Variants in AGAP3 observed in about 807,000 individuals in gnomAD.
AGAP3 encodes arf-GAP with GTPase, ANK repeat and PH domain-containing protein 3.
AGAP3 carries 24 observed loss-of-function variants against 96.9 expected under a neutral mutation model. That is an observed-to-expected ratio of 0.25 (90% confidence interval 0.18 to 0.35). The LOEUF is 0.35. Ranked by LOEUF, AGAP3 falls within the 10% of genes least tolerant of loss-of-function variation. The pLI is 1.00. For synonymous variants in AGAP3, 563 were observed against 536.1 expected, an observed-to-expected ratio of 1.05 and a Z score of -0.69; for missense variants, 876 against 1,254.2, an observed-to-expected ratio of 0.70 and a Z score of 4.55.
rs1314422896 is a variant in AGAP3, at chr7:151,133,238, T to C, written c.1327-1162T>C. On this transcript the variant is annotated intron_variant, in intron 10 of 17. Coordinates refer to ENST00000397238, the MANE Select transcript of AGAP3 (RefSeq NM_031946.7). The surrounding 1 kb of genome is among the most constrained non-coding windows in gnomAD (Gnocchi z 5.4). ...AATTTGTGCCACTTTACCAAGGGCA[T>C]TGGCTAGGAATTGCCGTGGAGCTCA... Among the ~76,000 whole-genome samples, 1 of 152,196 alleles carries C rather than the reference T, an allele frequency of 6.6e-6. No homozygotes were observed. The highest frequency in any genetic ancestry group is 1.5e-5 in the Non-Finnish European group (1 of 68,024).
rs756737595 is a variant in AGAP3 at position 151,128,633 on chromosome 7, G to A, written c.1275G>A (p.Lys425=). ...CCCTGAACAAGGAGTGGAAGAAGAA[G>A]TATGTGACGCTCTGTGACAACGGGC... ...GKSLNKEWKK[K]YVTLCDNGLL... is the part of the protein sequence containing the mutation. Residue 425 remains lysine, a synonymous_variant, in exon 10 of 18, where the codon AAG becomes AAA. Coordinates refer to ENST00000397238, the MANE Select transcript of AGAP3 (RefSeq NM_031946.7). 8.1e-6 allele frequency: 13 copies of A among 1,613,668 alleles called. No homozygotes were observed. The highest frequency in any genetic ancestry group is 1.1e-5 in the Non-Finnish European group (13 of 1,179,894).
chr7:151,136,255 CCCT>C (rs1283767885), intron 11 of AGAP3: 35 of 152,384 alleles, frequency 2.3e-4, no homozygotes, highest in Middle Eastern at 6.8e-3. Flanking sequence ...TGGGCTGTTT[CCCT>C]AGAGCAAGGG....
chr7:151,117,917 C>A, intron 5 of AGAP3, 140 bp downstream of exon 5: 1 of 1,209,902 alleles, frequency 8.3e-7, no homozygotes, highest in Non-Finnish European at 1.1e-6. Flanking sequence ...CAGCACTCTC[C>A]GTGCTGCTCG....
In AGAP3 at chr7:151,098,774, C is replaced by G. The variant is rs1221356051; in HGVS notation, c.331+11702C>G. On this transcript the variant is annotated intron_variant, in intron 1 of 17. Coordinates refer to ENST00000397238, the MANE Select transcript of AGAP3 (RefSeq NM_031946.7). ...TTTTGAGACAGTCTTGCTGTGTCACCCAGGCTGGAGTGCAGTGGTGCAGTC... is the reference window on the plus strand; with the variant it reads ...TTTTGAGACAGTCTTGCTGTGTCACGCAGGCTGGAGTGCAGTGGTGCAGTC... Among the ~76,000 whole-genome samples, 3 of 148,520 alleles carry G rather than the reference C, an allele frequency of 2.0e-5. No individual in the cohort carries two copies. In the East Asian group the frequency reaches 6.0e-4, roughly 30 times the overall value.
chr7:151,116,155 G>C (rs887192640), intron 1 of AGAP3, among the ~76,000 whole-genome samples: 1 of 152,216 alleles, frequency 6.6e-6, no homozygotes, highest in African/African-American at 2.4e-5. Context: ...AAAGGGACTT[G>C]CCAGTCAGGT....
chr7:151,115,477 G>T, intron 1 of AGAP3: 1 of 1,016,380 alleles, frequency 9.8e-7, no homozygotes, highest in Non-Finnish European at 1.2e-6. Flanking sequence ...GACCTGCTGG[G>T]CTCCGACGCC....
intron 10 of AGAP3, among the ~76,000 whole-genome samples, chr7:151,130,888 T>C (rs578034208): frequency 6.6e-6 from 1 of 152,306 alleles, no homozygotes; most frequent in Non-Finnish European, 1.5e-5. Flanking sequence ...GGCCGCCACC[T>C]TCCAGCCTGA....
In AGAP3 at chr7:151,143,980, A is replaced by C. The variant is rs766233195; in HGVS notation, c.*37A>C. 6.3e-7 allele frequency: 1 copy of C among 1,588,824 alleles called. No individual in the cohort carries two copies. The highest frequency in any genetic ancestry group is 1.1e-5 in the South Asian group (1 of 90,176). ...AGGGCAGAGGGGCCAGAAGGACTCC[A>C]TGGCCCAAAGACCCTCCTCCCTGCA... is the stretch of plus-strand genomic sequence containing the variant. On this transcript the variant is annotated 3_prime_UTR_variant, in exon 18 of 18. Transcript: ENST00000397238. The surrounding 1 kb of genome is among the most constrained non-coding windows in gnomAD (Gnocchi z 5.9).
chr7:151,120,345 G>C (rs1377737765), intron 8 of AGAP3, among the ~76,000 whole-genome samples, 200 bp downstream of exon 8: 1 of 152,212 alleles, frequency 6.6e-6, no homozygotes, highest in Non-Finnish European at 1.5e-5. Context: ...GCACCCACAA[G>C]GGGTTTCCAG....
rs117346467 is a variant in AGAP3 at position 151,114,030 on chromosome 7, G to A, written c.332-2763G>A. Among the ~76,000 whole-genome samples the A allele has an allele frequency of 6.6e-6, 1 of 152,326 alleles. No homozygotes were observed. The highest frequency in any genetic ancestry group is 1.9e-4 in the East Asian group (1 of 5,184). ...TGAGTCACTCACCCAGAACTGCAGC[G>A]GAGGTTATCTTTGACTTCTCTGCTG... is the stretch of plus-strand genomic sequence containing the variant. On this transcript the variant is annotated intron_variant, in intron 1 of 17. Coordinates refer to ENST00000397238, the MANE Select transcript of AGAP3 (RefSeq NM_031946.7). The surrounding 1 kb of genome is among the most constrained non-coding windows in gnomAD (Gnocchi z 4.4).
In AGAP3 at chr7:151,142,679, T is replaced by C. The variant is rs779959430; in HGVS notation, c.2273+45T>C. ...GAGCTGGCCAGGAATGGGGGAAGCGTTGGGGGCTCCCAGCATGGGGAAGAT... is the reference window on the plus strand; with the variant it reads ...GAGCTGGCCAGGAATGGGGGAAGCGCTGGGGGCTCCCAGCATGGGGAAGAT... On this transcript the variant is annotated intron_variant, in intron 16 of 17. Coordinates refer to ENST00000397238, the MANE Select transcript of AGAP3 (RefSeq NM_031946.7). The surrounding 1 kb of genome is among the most constrained non-coding windows in gnomAD (Gnocchi z 7.5). 5 of 1,574,706 alleles carry C rather than the reference T, an allele frequency of 3.2e-6. No homozygotes were observed. Among genetic ancestry groups the C allele is most frequent in the African/African-American group, 1.3e-5 (1 of 74,268 alleles).
At chr7:151,111,679 G>C (rs1442398515) in intron 1 of AGAP3, among the ~76,000 whole-genome samples, 4 of 152,178 alleles carry the variant, frequency 2.6e-5, no homozygotes, top group Non-Finnish European at 4.4e-5. Context: ...TGACATCCAG[G>C]TAGTCCACAG....
chr7:151,137,517 G>A (rs888483548), intron 11 of AGAP3, among the ~76,000 whole-genome samples: 1 of 152,160 alleles, frequency 6.6e-6, no homozygotes, highest in Non-Finnish European at 1.5e-5. Context: ...GCCAGGGAGT[G>A]AGGTGGGAGA....
At chr7:151,122,956 G>A (rs1055017783) in intron 8 of AGAP3, 5 of 1,435,822 alleles carry the variant, frequency 3.5e-6, no homozygotes, top group East Asian at 5.0e-5. Flanking sequence ...GGCTAGGAGC[G>A]CCGGAGCCCG....
chr7:151,094,961 A>G (rs1263957871), intron 1 of AGAP3, among the ~76,000 whole-genome samples: 2 of 152,012 alleles, frequency 1.3e-5, no homozygotes, highest in Admixed American at 1.3e-4. Context: ...TGCAACTTCA[A>G]ATTCCTAAGC....
chr7:151,103,150 A>G (rs1296938770), intron 1 of AGAP3, among the ~76,000 whole-genome samples: 7 of 152,200 alleles, frequency 4.6e-5, no homozygotes, highest in African/African-American at 9.6e-5. Flanking sequence ...TATTCCTGCA[A>G]TTTTTGGAGC....
chr7:151,142,202 G>GCCGTCCGCA lies in AGAP3; in HGVS notation c.2008_2016dup (p.Thr670_Arg672dup). ...CCAGAACGCAGCTCTGGCTGTGCAG[G>GCCGTCCGCA]CCGTCCGCACCGTCCGCGGCAACAG... On this transcript the variant is annotated inframe_insertion, in exon 15 of 18. Transcript: ENST00000397238. The surrounding 1 kb of genome is among the most constrained non-coding windows in gnomAD (Gnocchi z 7.5). 1 of 1,613,718 alleles carries GCCGTCCGCA rather than the reference G, an allele frequency of 6.2e-7. No homozygotes were observed. The highest frequency in any genetic ancestry group is 1.1e-5 in the South Asian group (1 of 91,068).
chr7:151,140,142 G>T lies in AGAP3; in HGVS notation c.1804+26G>T. ...GTTAGGGGGACCCAGAGGGAAACCGGGCACAGGAGGTGGGCAGTGGGACTT... is the reference window on the plus strand; with the variant it reads ...GTTAGGGGGACCCAGAGGGAAACCGTGCACAGGAGGTGGGCAGTGGGACTT... On this transcript the variant is annotated intron_variant, in intron 13 of 17. Transcript: ENST00000397238. This position sits in a 1 kb window ranked among gnomAD's most constrained non-coding sequence, Gnocchi z 5.4. 1 of 1,546,498 alleles carries T rather than the reference G, an allele frequency of 6.5e-7. No homozygotes were observed.
At chr7:151,117,499 A>T in intron 4 of AGAP3, 43 bp downstream of exon 4, 2 of 1,613,534 alleles carry the variant, frequency 1.2e-6, no homozygotes, top group Non-Finnish European at 1.7e-6. Flanking sequence ...CTGTGCCTGG[A>T]GCCCTTTCTC....
Sources: allele counts gnomAD v4.1 joint callset (sites outside exome capture counted in the v4.1 genomes callset), GRCh38; gene constraint gnomAD v4.1.1; non-coding constraint Gnocchi (gnomAD v3.1); transcripts MANE v1.5; gene names NCBI Gene and HGNC (gene_info 2026-07-23, HGNC 2026-07-21).